The following ECM2 variants were observed in gnomAD, a reference collection of about 807,000 sequenced individuals.
ECM2 encodes extracellular matrix protein 2.
Under a neutral mutation model 67.5 loss-of-function variants are expected in ECM2, and 57 were observed. The ratio of observed to expected loss-of-function variants is 0.84; its 90% CI spans 0.68 to 1.05. ECM2 has a LOEUF of 1.05. Ranked by LOEUF, ECM2 falls within the 50% of genes least tolerant of loss-of-function variation. The pLI is 0.00. For synonymous variants in ECM2, 258 were observed against 294.5 expected (o/e 0.88, Z 1.27); for missense variants, 741 against 822.8 (o/e 0.90, Z 1.22).
chr9:92,536,202 A>G (rs1849154438), upstream of ECM2: 14 of 364,804 alleles, frequency 3.8e-5, no homozygotes, highest in South Asian at 2.9e-4. Flanking sequence ...AAAGTAGAAA[A>G]CAGCAGTGGG....
At chr9:92,548,740 G>A in the ECM2 span, among the ~76,000 whole-genome samples, 1 of 152,106 alleles carries the variant, frequency 6.6e-6, no homozygotes, top group African/African-American at 2.4e-5. Flanking sequence ...AAAGCTTATG[G>A]GTATTGGGAG....
the ECM2 span, among the ~76,000 whole-genome samples, chr9:92,553,375 C>A: frequency 1.3e-5 from 2 of 152,074 alleles, no homozygotes; most frequent in Non-Finnish European, 2.9e-5. Flanking sequence ...CTTAGTCTTG[C>A]TTTGGCTATG....
At chr9:92,546,545 A>G in the ECM2 span, among the ~76,000 whole-genome samples, 1 of 152,140 alleles carries the variant, frequency 6.6e-6, no homozygotes, top group Non-Finnish European at 1.5e-5. Context: ...GTCAACGCCA[A>G]GGTCTGCAGC....
intron 1 of ECM2, among the ~76,000 whole-genome samples, chr9:92,524,759 G>A (rs1169762194): frequency 6.6e-6 from 1 of 152,138 alleles, no homozygotes; most frequent in Non-Finnish European, 1.5e-5. Context: ...TCTTTTTAAT[G>A]GGAATTTAAG....
At chr9:92,545,443 G>A in the ECM2 span, among the ~76,000 whole-genome samples, 67 of 152,200 alleles carry the variant, frequency 4.4e-4, 1 homozygote, top group Admixed American at 4.1e-3. Context: ...CCGGCCCACC[G>A]GCGCTGTGCT....
chr9:92,504,494 T>C (rs1846874969), intron 7 of ECM2, among the ~76,000 whole-genome samples: 1 of 152,146 alleles, frequency 6.6e-6, no homozygotes, highest in Non-Finnish European at 1.5e-5. Flanking sequence ...TCTGCCAGTA[T>C]GTATAGACTC....
chr9:92,544,189 T>C, the ECM2 span, among the ~76,000 whole-genome samples: 1 of 152,240 alleles, frequency 6.6e-6, no homozygotes, highest in East Asian at 1.9e-4. Flanking sequence ...AAATGATCTT[T>C]ATTGGGCTGG....
chr9:92,503,855 T>C (rs190697006), intron 7 of ECM2, among the ~76,000 whole-genome samples: 16 of 152,362 alleles, frequency 1.1e-4, no homozygotes, highest in African/African-American at 3.4e-4. Context: ...TGTCCATATG[T>C]TGAAAACTCT....
chr9:92,522,531 A>T (rs1848138701), intron 2 of ECM2, 44 bp downstream of exon 2: 1 of 1,502,936 alleles, frequency 6.7e-7, no homozygotes, highest in African/African-American at 1.4e-5. Flanking sequence ...ACCATCTCTC[A>T]CCCTCCTCCC....
At chr9:92,544,202 G>A in the ECM2 span, among the ~76,000 whole-genome samples, 28 of 152,318 alleles carry the variant, frequency 1.8e-4, no homozygotes, top group African/African-American at 5.5e-4. Flanking sequence ...TGGGCTGGGC[G>A]TGGTGGCTCA....
intron 4 of ECM2, 76 bp from the exon 5 acceptor site, chr9:92,512,202 A>G (rs1049929177): frequency 7.7e-6 from 7 of 908,254 alleles, no homozygotes; most frequent in Middle Eastern, 2.2e-4. Flanking sequence ...GCATGTGTGC[A>G]TAGATATCAA....
chr9:92,514,116 A>G (rs1278745067), intron 4 of ECM2, among the ~76,000 whole-genome samples: 1 of 144,236 alleles, frequency 6.9e-6, no homozygotes, highest in Non-Finnish European at 1.5e-5. Context: ...AGCAATGAGA[A>G]TCGTTCACTT....
intron 1 of ECM2, 75 bp from the exon 2 acceptor site, chr9:92,522,968 G>A (rs1848170350): frequency 2.2e-6 from 3 of 1,348,414 alleles, no homozygotes; most frequent in South Asian, 1.5e-5. Flanking sequence ...ATATTTGCTT[G>A]TATGCCTCAG....
chr9:92,510,365 A>C (rs541649385), intron 5 of ECM2, among the ~76,000 whole-genome samples: 1 of 152,380 alleles, frequency 6.6e-6, no homozygotes, highest in South Asian at 2.1e-4. Context: ...CCACCTTTAC[A>C]GCAATAGACA....
At chr9:92,532,015 G>GTTTTTTTTGTTTTTTTTTTT (rs1563990161) in intron 1 of ECM2, among the ~76,000 whole-genome samples, 7 of 95,736 alleles carry the variant, frequency 7.3e-5, no homozygotes, top group Non-Finnish European at 1.4e-4. Context: ...TTTATTTAAT[G>GTTTTTTTTGTTTTTTTTTTT]TTTTTTTTTT....
At chr9:92,519,240 G>A (rs990198397) in intron 2 of ECM2, among the ~76,000 whole-genome samples, 1 of 152,138 alleles carries the variant, frequency 6.6e-6, no homozygotes, top group Non-Finnish European at 1.5e-5. Context: ...ACACATATGA[G>A]TTTCTTCCAG....
chr9:92,546,312 G>A, the ECM2 span, among the ~76,000 whole-genome samples: 1 of 152,204 alleles, frequency 6.6e-6, no homozygotes, highest in African/African-American at 2.4e-5. Context: ...GCCCAAGCTA[G>A]CCCTGACAAC....
At chr9:92,537,563 G>A (rs1849215793), upstream of ECM2, among the ~76,000 whole-genome samples, 1 of 152,100 alleles carries the variant, frequency 6.6e-6, no homozygotes, top group Admixed American at 6.5e-5. Context: ...AGGAGGCTGA[G>A]GTAGGAGAAT....
the ECM2 span, among the ~76,000 whole-genome samples, chr9:92,558,191 A>G: frequency 1.1e-4 from 16 of 152,024 alleles, no homozygotes; most frequent in South Asian, 2.1e-4. Context: ...AACTAATGTG[A>G]TTTTTGGGGG....
Sources: allele counts gnomAD v4.1 joint callset (sites outside exome capture counted in the v4.1 genomes callset), GRCh38; gene constraint gnomAD v4.1.1; transcripts MANE v1.5; gene names NCBI Gene and HGNC (gene_info 2026-07-23, HGNC 2026-07-21).